The following POLD3 variants were observed in gnomAD, a reference collection of about 807,000 sequenced individuals.
POLD3 encodes the protein DNA polymerase delta 3, accessory subunit.
Under a neutral mutation model 58.2 loss-of-function variants are expected in POLD3, and 19 were observed. That is an observed-to-expected ratio of 0.33 (90% CI 0.23 to 0.48). The LOEUF is 0.48. Among genes scored for constraint, POLD3 ranks in the 20% least tolerant of loss-of-function variants. The pLI, the probability that POLD3 is intolerant of heterozygous loss-of-function variation, is 0.99. For missense variants in POLD3, 504 were observed against 545.5 expected (o/e 0.92, Z 0.76); for synonymous variants, 172 against 193.5 (o/e 0.89, Z 0.92).
chr11:74,644,042 T>C (rs2032969877), downstream of POLD3, among the ~76,000 whole-genome samples: 1 of 152,150 alleles, frequency 6.6e-6, no homozygotes, highest in Non-Finnish European at 1.5e-5. Flanking sequence ...ACACTCTCAG[T>C]GATGAGCCTC....
intron 11 of POLD3, among the ~76,000 whole-genome samples, chr11:74,638,024 G>T (rs1565128579): frequency 6.6e-6 from 1 of 152,092 alleles, no homozygotes; most frequent in Non-Finnish European, 1.5e-5. Flanking sequence ...AAATTGGGTA[G>T]TTGGGCCCCT....
chr11:74,640,818 A>G lies in POLD3; in HGVS notation c.*52A>G. On this transcript the variant is annotated 3_prime_UTR_variant, in exon 12 of 12. Coordinates refer to ENST00000263681, the MANE Select transcript of POLD3 (RefSeq NM_006591.3). ...TTGGAGTGGTCAAGGGAGAAGACCA[A>G]GAAATGTACTCCTCACTTACTATGT... 6.9e-7 allele frequency: 1 copy of G among 1,458,186 alleles called. No individual in the cohort carries two copies. The highest frequency in any genetic ancestry group is 9.1e-7 in the Non-Finnish European group (1 of 1,104,612). 90.3% of individuals were successfully genotyped at this position (1,458,186 alleles called of 1,614,324 possible).
At chr11:74,656,347 G>A (rs2033133846) in intron 4 of POLD3, among the ~76,000 whole-genome samples, 1 of 152,122 alleles carries the variant, frequency 6.6e-6, no homozygotes, top group Non-Finnish European at 1.5e-5. Context: ...CCGCCACTTT[G>A]GGAGGCTGAG....
intron 8 of POLD3, among the ~76,000 whole-genome samples, chr11:74,626,575 C>T (rs1645887626): frequency 6.6e-6 from 1 of 152,084 alleles, no homozygotes; most frequent in Admixed American, 6.6e-5. Flanking sequence ...GGATAAACTC[C>T]ACTTGGTTAT....
intron 3 of POLD3, among the ~76,000 whole-genome samples, chr11:74,608,242 A>G (rs1008836310): frequency 6.6e-6 from 1 of 152,192 alleles, no homozygotes; most frequent in African/African-American, 2.4e-5. Context: ...CAGCTTCCTC[A>G]GTAGCTGGGA....
chr11:74,650,732 T>C (rs2033058353), intron 4 of POLD3, among the ~76,000 whole-genome samples: 1 of 152,200 alleles, frequency 6.6e-6, no homozygotes, highest in African/African-American at 2.4e-5. Flanking sequence ...AGCTGTCTTA[T>C]TTAAACACAC....
At chr11:74,629,194 A>G (rs759847048) in intron 8 of POLD3, 23 bp from the exon 9 acceptor site, 23 of 1,410,378 alleles carry the variant, frequency 1.6e-5, no homozygotes, top group Non-Finnish European at 2.2e-5. Flanking sequence ...TAACACGCTT[A>G]ATTTATTTCT....
intron 8 of POLD3, among the ~76,000 whole-genome samples, chr11:74,628,696 C>G (rs1245326923): frequency 6.6e-6 from 1 of 152,122 alleles, no homozygotes; most frequent in Non-Finnish European, 1.5e-5. Flanking sequence ...TTTCCCCTTT[C>G]TACATGATGA....
At chr11:74,629,899 A>G (rs1042376607) in intron 9 of POLD3, among the ~76,000 whole-genome samples, 7 of 152,304 alleles carry the variant, frequency 4.6e-5, no homozygotes, top group Non-Finnish European at 8.8e-5. Context: ...CCCAAATTGT[A>G]TAAAGTATAT....
In POLD3 at chr11:74,642,063, G is replaced by A. The variant is rs1381419521; in HGVS notation, c.*1297G>A. On this transcript the variant is annotated 3_prime_UTR_variant, in exon 12 of 12. Coordinates refer to ENST00000263681, the MANE Select transcript of POLD3 (RefSeq NM_006591.3). ...GCTCAACTGCTGATGTGTCTCACAC[G>A]TAGCAGACAAGGGGTGTCTGACTGG... 7 of 985,320 alleles carry A rather than the reference G, an allele frequency of 7.1e-6. No homozygotes were observed. The African/African-American group carries it at 8.7e-5, about 12-fold the overall frequency. The allele number at this position is 985,320 out of a possible 1,614,324, so 61.0% of individuals were successfully genotyped here. A position where few individuals can be genotyped will look rare whatever the true frequency, so the allele number is the denominator to read the frequency against.
intron 7 of POLD3, among the ~76,000 whole-genome samples, chr11:74,624,743 T>C (rs1034194080): frequency 6.6e-6 from 1 of 151,796 alleles, no homozygotes; most frequent in Non-Finnish European, 1.5e-5. Flanking sequence ...GTTAAGGACT[T>C]TGAGGAGTTA....
intron 11 of POLD3, among the ~76,000 whole-genome samples, chr11:74,638,172 A>G (rs2032807999): frequency 6.6e-6 from 1 of 152,138 alleles, no homozygotes; most frequent in Admixed American, 6.5e-5. Flanking sequence ...GAAAAGTGGC[A>G]TGTTGTTCAG....
chr11:74,653,465 A>C (rs944671553), intron 4 of POLD3, among the ~76,000 whole-genome samples: 2 of 152,218 alleles, frequency 1.3e-5, no homozygotes, highest in African/African-American at 4.8e-5. Flanking sequence ...TTTTTAAATT[A>C]ATAACTTTTT....
chr11:74,653,107 G>A (rs2033088017), intron 4 of POLD3, among the ~76,000 whole-genome samples: 1 of 152,186 alleles, frequency 6.6e-6, no homozygotes, highest in African/African-American at 2.4e-5. Context: ...ATATTTAGCT[G>A]TTTTTGTTGT....
chr11:74,657,919 G>A (rs1453778595), intron 4 of POLD3, among the ~76,000 whole-genome samples: 1 of 152,098 alleles, frequency 6.6e-6, no homozygotes, highest in African/African-American at 2.4e-5. Flanking sequence ...CTATTCTAGG[G>A]TAAAAGTTTT....
chr11:74,629,791 T>C lies in POLD3; in HGVS notation c.1006+468T>C, dbSNP rs190704314. On this transcript the variant is annotated intron_variant, in intron 9 of 11. Coordinates refer to ENST00000263681, the MANE Select transcript of POLD3 (RefSeq NM_006591.3). ...TTCTAGTTTTAGGCTGTGGGCAATG[T>C]TGTAAGATAAGCAAACCTCATAAGG... Among the ~76,000 whole-genome samples the C allele has an allele frequency of 3.7e-3, 561 of 152,218 alleles. 5 individuals carry two copies. The highest frequency in any genetic ancestry group is 4.1e-3 in the Non-Finnish European group (277 of 67,996).
intron 3 of POLD3, among the ~76,000 whole-genome samples, chr11:74,605,634 C>A (rs181334796): frequency 8.6e-4 from 131 of 152,318 alleles, no homozygotes; most frequent in Admixed American, 3.0e-3. Flanking sequence ...CCCCATGGGA[C>A]TTGGCCCAAA....
rs766214097 is a variant in POLD3, at chr11:74,611,481, A to G, written c.220-18A>G. The G allele has an allele frequency of 4.7e-6, 7 of 1,480,442 alleles. No individual in the cohort carries two copies. The highest frequency in any genetic ancestry group is 5.6e-6 in the Non-Finnish European group (6 of 1,067,508). The allele number at this position is 1,480,442 out of a possible 1,614,324, so 91.7% of individuals were successfully genotyped here. On this transcript the variant is annotated intron_variant, in intron 3 of 11. Transcript: ENST00000263681. ...AGATTCTTACATTAAGCACTAATAA[A>G]GTGTTATTTTCTTACAGTGCCACAA...
chr11:74,649,626 A>C (rs1200520416), intron 4 of POLD3, among the ~76,000 whole-genome samples: 8 of 151,878 alleles, frequency 5.3e-5, no homozygotes, highest in Non-Finnish European at 1.2e-4. Flanking sequence ...GAAACCCCCC[A>C]CTCTATCTTA....
Sources: gnomAD v4.1 joint callset for allele counts (sites outside exome capture counted in the v4.1 genomes callset) on GRCh38, gnomAD v4.1.1 for gene constraint, MANE v1.5 for transcripts, NCBI Gene and HGNC (gene_info 2026-07-23, HGNC 2026-07-21) for gene names.